Variants in TEX14 observed in about 807,000 individuals in gnomAD.
TEX14 encodes inactive serine/threonine-protein kinase TEX14.
In TEX14, 168 loss-of-function variants were observed where a neutral mutation model predicts 178.6. The observed-to-expected ratio is 0.94, with a 90% CI of 0.83 to 1.07. The LOEUF (loss-of-function observed/expected upper bound fraction) is 1.07. Ranked by LOEUF, TEX14 falls within the 50% of genes least tolerant of loss-of-function variation. The pLI is 0.00. For missense variants in TEX14, 1,730 were observed against 1,753.6 expected, an observed-to-expected ratio of 0.99 and a Z score of 0.24; for synonymous variants, 626 against 634.1, an observed-to-expected ratio of 0.99 and a Z score of 0.19.
At chr17:58,660,764 T>C (rs1474771245) in intron 1 of TEX14, 3 of 781,148 alleles carry the variant, frequency 3.8e-6, no homozygotes, top group Non-Finnish European at 7.2e-6. Flanking sequence ...TAACACTCCA[T>C]GTTTCTGATG....
At chr17:58,611,065 A>G (rs2045733100) in intron 10 of TEX14, 96 bp downstream of exon 10, 1 of 868,850 alleles carries the variant, frequency 1.2e-6, no homozygotes, top group Admixed American at 2.1e-5. Context: ...CATCTCACCA[A>G]TGAGGAGTCC....
chr17:58,571,640 A>G (rs2044532334), intron 24 of TEX14, among the ~76,000 whole-genome samples: 1 of 152,190 alleles, frequency 6.6e-6, no homozygotes, highest in Non-Finnish European at 1.5e-5. Context: ...AGAAGGCAGT[A>G]TATGATTAAG....
chr17:58,599,454 T>C lies in TEX14; in HGVS notation c.1891A>G (p.Ile631Val). ...EINEIYSGCL[I>V]LEDDIEEPPG... The stretch of plus-strand genomic sequence containing the variant: ...GGCTCTTCTATGTCATCTTCCAAAA[T>C]CAAGCAGCCTGAGTAGATCTCGTTG... The change falls in exon 14 of 32, where the codon ATT becomes GTT. Residue 631 changes from isoleucine to valine, a missense_variant. By Grantham distance (29) the Ile-to-Val change is conservative. This residue lies in a region of TEX14 where 941 missense variants were observed against 1,072.4 expected (regional missense o/e 0.88). Transcript: ENST00000349033. 6.2e-7 allele frequency: 1 copy of C among 1,614,126 alleles called. No homozygotes were observed. Among genetic ancestry groups the C allele is most frequent in the South Asian group, 1.1e-5 (1 of 91,078 alleles).
At chr17:58,640,939 C>T (rs1006319004) in intron 2 of TEX14, among the ~76,000 whole-genome samples, 2 of 152,032 alleles carry the variant, frequency 1.3e-5, no homozygotes, top group Middle Eastern at 3.2e-3. Context: ...AGGCTTGTCT[C>T]GACCTTCTCA....
intron 14 of TEX14, among the ~76,000 whole-genome samples, chr17:58,593,940 T>C (rs983788585): frequency 1.3e-5 from 2 of 152,160 alleles, no homozygotes; most frequent in African/African-American, 2.4e-5. Context: ...GTTCAAGAGA[T>C]TCTCCTGCCT....
chr17:58,599,333 G>A lies in TEX14; in HGVS notation c.2012C>T (p.Ala671Val), dbSNP rs539144906. The change falls in exon 14 of 32, where the codon GCG (alanine) becomes GTG (valine). Residue 671 changes from alanine to valine, a missense_variant. By Grantham distance (64) the Ala-to-Val change is moderately conservative. Transcript: ENST00000349033. ...CTCATCCTCACTGCCAAAACAACAC[G>A]CCTCTCTCTCCATCTTATCCAGCTC... Reference protein sequence around the residue: ...EEELDKMEREACCFGSEDESS... With the variant: ...EEELDKMEREVCCFGSEDESS... 4.2e-5 allele frequency: 68 copies of A among 1,613,750 alleles called. No homozygotes were observed. Among genetic ancestry groups the A allele is most frequent in the Non-Finnish European group, 5.3e-5 (63 of 1,180,016 alleles).
At chr17:58,633,045 G>A (rs1308949366) in intron 2 of TEX14, among the ~76,000 whole-genome samples, 1 of 152,078 alleles carries the variant, frequency 6.6e-6, no homozygotes, top group South Asian at 2.1e-4. Context: ...CCCCTCTCTC[G>A]AGTCCATCTC....
intron 6 of TEX14, among the ~76,000 whole-genome samples, chr17:58,616,606 T>G (rs1389127032): frequency 6.6e-6 from 1 of 151,998 alleles, no homozygotes; most frequent in East Asian, 1.9e-4. Flanking sequence ...AATTTTTTTT[T>G]TAAATAGAGA....
At chr17:58,601,666 T>G in intron 13 of TEX14, 140 bp downstream of exon 13, 1 of 756,998 alleles carries the variant, frequency 1.3e-6, no homozygotes, top group South Asian at 1.8e-5. Flanking sequence ...TGTACTCCAG[T>G]CTGGGCAATA....
chr17:58,591,724 A>C (rs539523170), intron 15 of TEX14, among the ~76,000 whole-genome samples: 2 of 151,802 alleles, frequency 1.3e-5, no homozygotes, highest in Admixed American at 6.6e-5. Flanking sequence ...AAAAAAAAAA[A>C]ACAAAAAAAA....
At chr17:58,632,109 C>T (rs1283256588) in intron 2 of TEX14, among the ~76,000 whole-genome samples, 6 of 152,204 alleles carry the variant, frequency 3.9e-5, no homozygotes, top group African/African-American at 1.4e-4. Flanking sequence ...CCACGCGTAA[C>T]GCTGACGACT....
intron 19 of TEX14, among the ~76,000 whole-genome samples, chr17:58,583,503 G>A (rs780524313): frequency 6.6e-6 from 1 of 152,120 alleles, no homozygotes; most frequent in African/African-American, 2.4e-5. Flanking sequence ...GGCTTTAAGC[G>A]ATCCTCCAGC....
intron 24 of TEX14, 53 bp from the exon 25 acceptor site, chr17:58,570,537 C>T (rs2044497826): frequency 4.8e-6 from 6 of 1,261,394 alleles, no homozygotes; most frequent in Non-Finnish European, 6.5e-6. Flanking sequence ...GCTAAAAAGG[C>T]ATATGCAGCT....
At position 58,611,267 on chromosome 17, in the gene TEX14, A is replaced by G; in HGVS notation, c.1078T>C (p.Tyr360His). 6.2e-7 allele frequency: 1 copy of G among 1,612,080 alleles called. No homozygotes were observed. Among genetic ancestry groups the G allele is most frequent in the Non-Finnish European group, 8.5e-7 (1 of 1,178,144 alleles). ...TGGATAAACCCCTGGAAATGCAGGT[A>G]TCTCAGGGCATCAGATATCTGGAGC... ...LLLQISDALRYLHFQGFIHRS... is the reference protein window; with the variant it reads ...LLLQISDALRHLHFQGFIHRS... The change falls in exon 10 of 32, where the codon TAC (tyrosine) becomes CAC (histidine). Residue 360 changes from tyrosine (Y) to histidine (H), a missense_variant. Tyr to His is a moderately conservative substitution (Grantham distance 83). Around this residue, in one of 2 missense-constraint regions of TEX14, gnomAD observed 789 missense variants for 681.2 expected, o/e 1.16. Transcript: ENST00000349033.
chr17:58,577,784 C>G (rs982189342), intron 20 of TEX14, among the ~76,000 whole-genome samples: 10 of 152,116 alleles, frequency 6.6e-5, no homozygotes, highest in Non-Finnish European at 1.3e-4. Context: ...GCAAACTGAC[C>G]CGGTTCCTGT....
At chr17:58,567,158 A>T (rs1247041911) in intron 26 of TEX14, among the ~76,000 whole-genome samples, 2 of 152,166 alleles carry the variant, frequency 1.3e-5, no homozygotes, top group Admixed American at 6.5e-5. Flanking sequence ...CAAGAGTGAA[A>T]CCCTGTCAAA....
chr17:58,583,811 T>C (rs936663796), intron 19 of TEX14, among the ~76,000 whole-genome samples: 2 of 152,238 alleles, frequency 1.3e-5, no homozygotes, highest in Admixed American at 1.3e-4. Context: ...ATCTTATGAA[T>C]GGTTCATATG....
rs2044617035 is a variant in TEX14 at position 58,574,221 on chromosome 17, T to C, written c.3349A>G (p.Lys1117Glu). The C allele has an allele frequency of 1.2e-6, 2 of 1,613,664 alleles. No individual in the cohort carries two copies. Among genetic ancestry groups the C allele is most frequent in the South Asian group, 1.1e-5 (1 of 91,074 alleles). Reference sequence around the variant, plus strand: ...TCTTTCAGTTCCTTTGGTGACTCCTTTGATGTCTCTTCTTGTTCATCTTCA... The same window carrying C: ...TCTTTCAGTTCCTTTGGTGACTCCTCTGATGTCTCTTCTTGTTCATCTTCA... ...STEDEQEETSKESPKELKEKD... is the reference protein window; with the variant it reads ...STEDEQEETSEESPKELKEKD... The change falls in exon 22 of 32, where the codon AAG (lysine) becomes GAG (glutamate). Residue 1117 changes from lysine (K) to glutamate (E), a missense_variant. Transcript: ENST00000349033.
intron 1 of TEX14, among the ~76,000 whole-genome samples, chr17:58,654,803 G>A (rs1024943468): frequency 1.3e-5 from 2 of 151,846 alleles, no homozygotes; most frequent in African/African-American, 4.8e-5. Flanking sequence ...CACCGCACCT[G>A]GCCAATAAAC....
Sources: allele counts gnomAD v4.1 joint callset (sites outside exome capture counted in the v4.1 genomes callset), GRCh38; gene constraint gnomAD v4.1.1; regional missense constraint gnomAD v4.1.1; transcripts MANE v1.5; gene names NCBI Gene and HGNC (gene_info 2026-07-23, HGNC 2026-07-21).